TBX15: variants seen among roughly 807,000 people sequenced by gnomAD.
TBX15 encodes the protein T-box transcription factor TBX15.
In TBX15, 18 loss-of-function variants were observed where a neutral mutation model predicts 53.9. That is an observed-to-expected ratio of 0.33 (90% CI 0.23 to 0.49). TBX15 has a LOEUF of 0.49. Among genes scored for constraint, TBX15 ranks in the 20% least tolerant of loss-of-function variants. TBX15 has a pLI of 0.98. For synonymous variants in TBX15, 295 were observed against 278.0 expected, an observed-to-expected ratio of 1.06 and a Z score of -0.61; for missense variants, 692 against 749.5, an observed-to-expected ratio of 0.92 and a Z score of 0.90.
intron 1 of TBX15, among the ~76,000 whole-genome samples, chr1:118,945,560 T>C (rs1656321699): frequency 6.6e-6 from 1 of 152,126 alleles, no homozygotes; most frequent in Admixed American, 6.6e-5. Flanking sequence ...CAGAGCTCCA[T>C]GGAGACACCC....
intron 1 of TBX15, among the ~76,000 whole-genome samples, chr1:118,965,132 C>G (rs1656997822): frequency 6.6e-6 from 1 of 152,194 alleles, no homozygotes; most frequent in Non-Finnish European, 1.5e-5. Context: ...CTTATTTACT[C>G]AACACCTTGA....
At chr1:118,942,626 C>T (rs185905842) in intron 1 of TBX15, among the ~76,000 whole-genome samples, 1 of 152,308 alleles carries the variant, frequency 6.6e-6, no homozygotes. Flanking sequence ...CTTTTCCTTG[C>T]ATGACTGTGA....
intron 1 of TBX15, among the ~76,000 whole-genome samples, chr1:118,986,399 A>T (rs1571225299): frequency 6.6e-6 from 1 of 152,118 alleles, no homozygotes; most frequent in Non-Finnish European, 1.5e-5. Context: ...AAACTCAAAT[A>T]CCGTAACGGG....
At position 118,885,104 on chromosome 1, in the gene TBX15, A is replaced by G. The variant is rs376352429; in HGVS notation, c.1437T>C (p.Tyr479=). The change falls in exon 8 of 8, where the codon TAT becomes TAC. Residue 479 remains tyrosine (Y), a synonymous_variant. Transcript: ENST00000369429. ...LGSFPTSQFQ[Y]VMQAGNAASS... ...AGGCAGCATTGCCTGCCTGCATGAC[A>G]TACTGAAACTGGGAAGTGGGAAAGG... 3.6e-5 allele frequency: 58 copies of G among 1,614,086 alleles called. No individual in the cohort carries two copies. The highest frequency in any genetic ancestry group is 4.3e-5 in the Non-Finnish European group (51 of 1,180,046).
At chr1:118,931,220 A>G (rs1655770724) in intron 2 of TBX15, among the ~76,000 whole-genome samples, 1 of 152,254 alleles carries the variant, frequency 6.6e-6, no homozygotes, top group African/African-American at 2.4e-5. Context: ...AAAAATTACT[A>G]CAAAAGCATT....
At chr1:118,898,926 T>C (rs2101499765) in intron 7 of TBX15, 102 bp downstream of exon 7, 1 of 1,154,438 alleles carries the variant, frequency 8.7e-7, no homozygotes, top group South Asian at 1.3e-5. Context: ...AGAATTGGTA[T>C]AACCCATATC....
intron 1 of TBX15, among the ~76,000 whole-genome samples, chr1:118,950,804 TC>T (rs1382226688): frequency 9.8e-5 from 15 of 152,332 alleles, no homozygotes; most frequent in East Asian, 9.6e-4. Context: ...GCTTCAGTTC[TC>T]AAGCTTGCCA....
intron 1 of TBX15, among the ~76,000 whole-genome samples, chr1:118,974,337 CT>C (rs2101707583): frequency 6.6e-6 from 1 of 152,282 alleles, no homozygotes; most frequent in East Asian, 1.9e-4. Flanking sequence ...ACATCTTTCT[CT>C]TTTTTGCTTC....
chr1:118,888,943 A>G (rs1294195430), intron 7 of TBX15, among the ~76,000 whole-genome samples: 1 of 152,024 alleles, frequency 6.6e-6, no homozygotes, highest in Non-Finnish European at 1.5e-5. Context: ...GGGTGGAACT[A>G]TTAACAAGTT....
rs1655794277 is a variant in TBX15, at chr1:118,931,800, C to A, written c.238G>T (p.Val80Phe). 6.3e-7 allele frequency: 1 copy of A among 1,595,912 alleles called. No homozygotes were observed. Among genetic ancestry groups the A allele is most frequent in the Non-Finnish European group, 8.6e-7 (1 of 1,169,368 alleles). Reference protein sequence around the residue: ...SEQSTGSDSEVLTERTSCSFS... With the variant: ...SEQSTGSDSEFLTERTSCSFS... ...GAGCAGGAAGTCCGCTCAGTGAGGA[C>A]CTCAGAATCTGAACCAGTGCTCTGC... The change falls in exon 2 of 8, where the codon GTC becomes TTC. Residue 80 changes from valine (V) to phenylalanine (F), a missense_variant. By Grantham distance (50) the Val-to-Phe change is conservative. Coordinates refer to ENST00000369429, the MANE Select transcript of TBX15 (RefSeq NM_001330677.2).
chr1:118,922,010 C>CTTCAGGAT (rs1655439647), intron 5 of TBX15, among the ~76,000 whole-genome samples: 2 of 152,162 alleles, frequency 1.3e-5, no homozygotes, highest in Admixed American at 1.3e-4. Context: ...AGGATGCAAA[C>CTTCAGGAT]TTCAGGATTC....
chr1:118,963,030 T>C (rs1165420569), intron 1 of TBX15, among the ~76,000 whole-genome samples: 1 of 152,242 alleles, frequency 6.6e-6, no homozygotes, highest in Non-Finnish European at 1.5e-5. Context: ...TTGAAAGTTT[T>C]TCATTCAGGC....
intron 1 of TBX15, among the ~76,000 whole-genome samples, chr1:118,963,986 T>C (rs1397173661): frequency 1.3e-5 from 2 of 152,112 alleles, no homozygotes; most frequent in East Asian, 3.9e-4. Context: ...ACAGCCAAAA[T>C]GGAGACTACA....
At chr1:118,929,185 C>T (rs552068599) in intron 2 of TBX15, among the ~76,000 whole-genome samples, 11 of 152,172 alleles carry the variant, frequency 7.2e-5, no homozygotes, top group Non-Finnish European at 1.5e-4. Context: ...GGTTGGTACA[C>T]TCAAAGACTG....
Position 118,885,121 on chromosome 1 carries a change from T to A in TBX15, c.1420A>T (p.Thr474Ser), listed in dbSNP as rs949115239. The A allele has an allele frequency of 6.2e-7, 1 of 1,614,076 alleles. No individual in the cohort carries two copies. Among genetic ancestry groups the A allele is most frequent in the East Asian group, 2.2e-5 (1 of 44,848 alleles). ...TGCATGACATACTGAAACTGGGAAGTGGGAAAGGACCCCAGCTGGCCACCG... is the reference window on the plus strand; with the variant it reads ...TGCATGACATACTGAAACTGGGAAGAGGGAAAGGACCCCAGCTGGCCACCG... ...AYGGQLGSFPTSQFQYVMQAG... is the reference protein window; with the variant it reads ...AYGGQLGSFPSSQFQYVMQAG... The change falls in exon 8 of 8, where the codon ACT (threonine) becomes TCT (serine). Residue 474 changes from threonine (T) to serine (S), a missense_variant. By Grantham distance (58) the Thr-to-Ser change is moderately conservative. Transcript: ENST00000369429.
At chr1:118,965,526 C>T (rs1312052625) in intron 1 of TBX15, among the ~76,000 whole-genome samples, 1 of 152,034 alleles carries the variant, frequency 6.6e-6, no homozygotes, top group Non-Finnish European at 1.5e-5. Context: ...TCTGGAATAA[C>T]CATCAAAATT....
intron 1 of TBX15, among the ~76,000 whole-genome samples, chr1:118,942,488 C>G (rs539407898): frequency 6.6e-6 from 1 of 152,302 alleles, no homozygotes; most frequent in South Asian, 2.1e-4. Context: ...TTCTCATCTT[C>G]TTCCAGGAGA....
chr1:118,943,671 T>C (rs912275238), intron 1 of TBX15, among the ~76,000 whole-genome samples: 7 of 152,096 alleles, frequency 4.6e-5, no homozygotes, highest in African/African-American at 1.2e-4. Flanking sequence ...CATTGTTCCA[T>C]GAGAGGTGGA....
intron 1 of TBX15, among the ~76,000 whole-genome samples, chr1:118,970,961 G>A (rs1557904729): frequency 6.6e-6 from 1 of 152,120 alleles, no homozygotes; most frequent in Non-Finnish European, 1.5e-5. Context: ...GCTCTCTCAG[G>A]AAAACACACA....
Sources: gnomAD v4.1 joint callset for allele counts (sites outside exome capture counted in the v4.1 genomes callset) on GRCh38, gnomAD v4.1.1 for gene constraint, MANE v1.5 for transcripts, NCBI Gene and HGNC (gene_info 2026-07-23, HGNC 2026-07-21) for gene names.